The following PAK1 variants were observed in gnomAD, a reference collection of about 807,000 sequenced individuals.
PAK1 encodes serine/threonine-protein kinase PAK 1.
Under a neutral mutation model 67.4 loss-of-function variants are expected in PAK1, and 29 were observed. That is an observed-to-expected ratio of 0.43 (90% CI 0.32 to 0.59). The LOEUF (loss-of-function observed/expected upper bound fraction) is 0.59. PAK1 is among the 20% of genes least tolerant of loss of function. The pLI, the probability that PAK1 is intolerant of heterozygous loss-of-function variation, is 0.07. For synonymous variants in PAK1, 223 were observed against 237.4 expected, an observed-to-expected ratio of 0.94 and a Z score of 0.56; for missense variants, 337 against 670.7, an observed-to-expected ratio of 0.50 and a Z score of 5.50.
the PAK1 span, among the ~76,000 whole-genome samples, chr11:77,499,135 T>TAAA: frequency 1.1e-4 from 16 of 141,222 alleles, no homozygotes; most frequent in African/African-American, 3.8e-4. Context: ...CACTCACTAC[T>TAAA]AAAAAAAAAA....
intron 1 of PAK1, among the ~76,000 whole-genome samples, chr11:77,450,734 G>C (rs147206319): frequency 6.8e-4 from 103 of 152,314 alleles, no homozygotes; most frequent in African/African-American, 2.5e-3. Context: ...AACAGAGACA[G>C]AGATCACAAT....
chr11:77,342,012 G>A (rs2136257672), intron 10 of PAK1, among the ~76,000 whole-genome samples: 1 of 152,276 alleles, frequency 6.6e-6, no homozygotes, highest in African/African-American at 2.4e-5. Context: ...GAATGTTTGT[G>A]TCCCTCAAAA....
At chr11:77,373,202 G>A (rs1948660801) in intron 5 of PAK1, among the ~76,000 whole-genome samples, 1 of 152,004 alleles carries the variant, frequency 6.6e-6, no homozygotes, top group Non-Finnish European at 1.5e-5. Context: ...AATCAATATG[G>A]CATAACCACC....
the PAK1 span, among the ~76,000 whole-genome samples, chr11:77,492,586 G>C: frequency 1.4e-5 from 2 of 141,270 alleles, no homozygotes; most frequent in African/African-American, 5.3e-5. Context: ...TCATTCTGTC[G>C]CCCAGGTTGC....
the PAK1 span, among the ~76,000 whole-genome samples, chr11:77,515,209 T>C: frequency 6.6e-6 from 1 of 152,236 alleles, no homozygotes; most frequent in Non-Finnish European, 1.5e-5. Flanking sequence ...TGGCAAAAAC[T>C]GGTTAGCAAA....
chr11:77,466,757 G>A (rs886487314), intron 1 of PAK1, among the ~76,000 whole-genome samples: 1 of 152,068 alleles, frequency 6.6e-6, no homozygotes, highest in Non-Finnish European at 1.5e-5. Context: ...CTACCACACC[G>A]CAAAAGTCTA....
intron 2 of PAK1, among the ~76,000 whole-genome samples, chr11:77,388,600 G>A (rs373054726): frequency 1.0e-3 from 156 of 152,238 alleles, no homozygotes; most frequent in Non-Finnish European, 1.7e-3. Context: ...TGATCCACCC[G>A]CCTCGGCCTC....
intron 12 of PAK1, among the ~76,000 whole-genome samples, chr11:77,336,892 A>G (rs977030972): frequency 6.6e-6 from 1 of 152,084 alleles, no homozygotes; most frequent in African/African-American, 2.4e-5. Flanking sequence ...CTTTGAGAGT[A>G]TGGATTATGT....
intron 14 of PAK1, among the ~76,000 whole-genome samples, chr11:77,331,702 G>C (rs1277443583): frequency 6.6e-6 from 1 of 151,488 alleles, no homozygotes; most frequent in African/African-American, 2.4e-5. Context: ...GAGTTAATGG[G>C]TACAGCACAC....
intron 1 of PAK1, among the ~76,000 whole-genome samples, chr11:77,403,709 G>C (rs569664975): frequency 6.6e-6 from 1 of 152,164 alleles, no homozygotes; most frequent in South Asian, 2.1e-4. Context: ...TCTCCCAACT[G>C]TCATTATACT....
rs1009592334 is a variant in PAK1, at chr11:77,322,993, A to C, written c.*281T>G. The C allele has an allele frequency of 1.8e-5, 11 of 618,536 alleles. No homozygotes were observed. Among genetic ancestry groups the C allele is most frequent in the Middle Eastern group, 4.2e-4 (1 of 2,400 alleles). The allele number at this position is 618,536 out of a possible 1,614,324, so 38.3% of individuals were successfully genotyped here. On this transcript the variant is annotated 3_prime_UTR_variant, in exon 15 of 15. Transcript: ENST00000356341. ...AGGATTTTGACACACGGAAGACTAG[A>C]AACATTTATTTATATAAACCCTTAA...
intron 14 of PAK1, among the ~76,000 whole-genome samples, chr11:77,327,826 A>C (rs1487193746): frequency 6.6e-6 from 1 of 152,238 alleles, no homozygotes; most frequent in Non-Finnish European, 1.5e-5. Flanking sequence ...TCCAATTAAA[A>C]GACACAGACT....
At chr11:77,330,118 C>T (rs1323247994) in intron 14 of PAK1, among the ~76,000 whole-genome samples, 4 of 152,042 alleles carry the variant, frequency 2.6e-5, no homozygotes, top group South Asian at 4.1e-4. Context: ...CAAACCACTG[C>T]TCAATGAAAT....
intron 1 of PAK1, among the ~76,000 whole-genome samples, chr11:77,413,797 C>T (rs1954796894): frequency 1.3e-5 from 2 of 152,162 alleles, no homozygotes; most frequent in Non-Finnish European, 2.9e-5. Flanking sequence ...TCTGAGGATT[C>T]AGCTTCAAAG....
chr11:77,468,757 G>C (rs1391906606), intron 1 of PAK1, among the ~76,000 whole-genome samples: 1 of 152,122 alleles, frequency 6.6e-6, no homozygotes, highest in East Asian at 1.9e-4. Context: ...CCAAAATTTA[G>C]TTTGATAGAG....
the PAK1 span, among the ~76,000 whole-genome samples, chr11:77,492,652 C>T: frequency 6.6e-6 from 1 of 150,972 alleles, no homozygotes; most frequent in South Asian, 2.1e-4. Flanking sequence ...AGGTATCCTC[C>T]TTGTTATGGT....
At chr11:77,490,141 G>T in the PAK1 span, among the ~76,000 whole-genome samples, 1 of 150,734 alleles carries the variant, frequency 6.6e-6, no homozygotes, top group African/African-American at 2.4e-5. Flanking sequence ...CTGCCTGGCC[G>T]CCCCGTCTGA....
At chr11:77,445,187 A>C (rs1190381234) in intron 1 of PAK1, among the ~76,000 whole-genome samples, 1 of 152,190 alleles carries the variant, frequency 6.6e-6, no homozygotes, top group Non-Finnish European at 1.5e-5. Flanking sequence ...AGGGAAAAGA[A>C]GCCATCCATA....
chr11:77,459,693 T>TTC (rs1565718036), intron 1 of PAK1, among the ~76,000 whole-genome samples: 1 of 91,728 alleles, frequency 1.1e-5, no homozygotes, highest in Admixed American at 9.6e-5. Flanking sequence ...TCTTCTTCTT[T>TTC]TTTTTTTTTT....
Sources: allele counts gnomAD v4.1 joint callset (sites outside exome capture counted in the v4.1 genomes callset), GRCh38; gene constraint gnomAD v4.1.1; transcripts MANE v1.5; gene names NCBI Gene and HGNC (gene_info 2026-07-23, HGNC 2026-07-21).